CDH12: variants seen among roughly 807,000 people sequenced by gnomAD.
CDH12 encodes cadherin 12, also known as cadherin-12.
A neutral mutation model predicts 74.1 loss-of-function variants in CDH12; 41 were observed. That is an observed-to-expected ratio of 0.55 (90% CI 0.43 to 0.72). The LOEUF (loss-of-function observed/expected upper bound fraction) is 0.72, where lower values mean the gene tolerates loss of function less well. Ranked by LOEUF, CDH12 falls within the 30% of genes least tolerant of loss-of-function variation. The pLI is 0.00. For synonymous variants in CDH12, 399 were observed against 355.0 expected (o/e 1.12, Z -1.39); for missense variants, 945 against 977.2 (o/e 0.97, Z 0.44).
intron 1 of CDH12, among the ~76,000 whole-genome samples, chr5:22,639,876 G>GA (rs1253655392): frequency 6.6e-6 from 1 of 152,094 alleles, no homozygotes; most frequent in Non-Finnish European, 1.5e-5. Flanking sequence ...TCAGGCCCGA[G>GA]TGACTTACAG....
chr5:22,247,575 T>A (rs781216497), intron 3 of CDH12, among the ~76,000 whole-genome samples: 3 of 152,020 alleles, frequency 2.0e-5, no homozygotes, highest in Middle Eastern at 3.2e-3. Context: ...CAGGAGAGGC[T>A]GAGGCAGGAG....
intron 7 of CDH12, among the ~76,000 whole-genome samples, chr5:21,844,492 T>C (rs1750051422): frequency 6.6e-6 from 1 of 152,202 alleles, no homozygotes; most frequent in South Asian, 2.1e-4. Flanking sequence ...CTTTCCTCTG[T>C]CTAAGTTCTA....
At chr5:22,460,337 A>G (rs1036282688) in intron 2 of CDH12, among the ~76,000 whole-genome samples, 1 of 152,148 alleles carries the variant, frequency 6.6e-6, no homozygotes, top group African/African-American at 2.4e-5. Flanking sequence ...CAAACATCTC[A>G]TTTCCCACAT....
chr5:22,540,732 C>T (rs1462378300), intron 1 of CDH12, among the ~76,000 whole-genome samples: 4 of 152,038 alleles, frequency 2.6e-5, no homozygotes, highest in Non-Finnish European at 5.9e-5. Flanking sequence ...GTGTACAGCC[C>T]CTGCATCTGT....
At chr5:22,339,695 A>G (rs1739759945) in intron 3 of CDH12, among the ~76,000 whole-genome samples, 1 of 152,182 alleles carries the variant, frequency 6.6e-6, no homozygotes, top group Admixed American at 6.5e-5. Context: ...AGCTTTTTGA[A>G]GAGTCAAAAT....
rs1025206624 is a variant in CDH12 at position 22,399,027 on chromosome 5, T to C, written c.-333+6230A>G. ...AGTCAGTAAAAAGAGGTTTTTTGTT[T>C]TGTTTTGTTTGCTTTTGGTGTGTTC... On this transcript the variant is annotated intron_variant, in intron 3 of 14. Transcript: ENST00000382254. Among the ~76,000 whole-genome samples the C allele has an allele frequency of 5.9e-5, 9 of 152,216 alleles. No individual in the cohort carries two copies. The South Asian group carries it at 1.9e-3, about 32-fold the overall frequency.
At chr5:22,526,430 G>A (rs1193716028) in intron 1 of CDH12, among the ~76,000 whole-genome samples, 4 of 152,160 alleles carry the variant, frequency 2.6e-5, no homozygotes, top group Middle Eastern at 3.2e-3. Context: ...GACAATGAAG[G>A]TGTATTTCCA....
chr5:22,809,078 C>A, intron 1 of CDH12, among the ~76,000 whole-genome samples: 1 of 150,650 alleles, frequency 6.6e-6, no homozygotes, highest in Non-Finnish European at 1.5e-5. Context: ...ATTCAAAGTT[C>A]GTTGAAGGCA....
At chr5:21,809,578 A>G (rs1351578473) in intron 9 of CDH12, among the ~76,000 whole-genome samples, 1 of 152,140 alleles carries the variant, frequency 6.6e-6, no homozygotes, top group Non-Finnish European at 1.5e-5. Context: ...CAGCTTTCCT[A>G]TTTGTAGAAT....
intron 4 of CDH12, among the ~76,000 whole-genome samples, chr5:22,193,375 A>G (rs1172195606): frequency 6.6e-6 from 1 of 152,196 alleles, no homozygotes; most frequent in Non-Finnish European, 1.5e-5. Flanking sequence ...TGAAGCTATG[A>G]ATGTTAGATG....
intron 4 of CDH12, among the ~76,000 whole-genome samples, chr5:22,100,666 C>CAT: frequency 6.6e-6 from 1 of 151,436 alleles, no homozygotes; most frequent in East Asian, 1.9e-4. Flanking sequence ...CACACACACA[C>CAT]ACACACACAC....
chr5:21,840,492 T>C (rs532564829), intron 8 of CDH12, among the ~76,000 whole-genome samples: 2 of 151,980 alleles, frequency 1.3e-5, no homozygotes, highest in African/African-American at 2.4e-5. Flanking sequence ...CTTCACAGAA[T>C]TGGAAAAAAC....
intron 3 of CDH12, among the ~76,000 whole-genome samples, chr5:22,360,100 T>G (rs942097068): frequency 5.9e-5 from 9 of 151,816 alleles, no homozygotes; most frequent in Middle Eastern, 3.4e-3. Context: ...CTGAAGGAGA[T>G]AGAGACACAA....
At chr5:22,570,529 A>T (rs566465269) in intron 1 of CDH12, among the ~76,000 whole-genome samples, 1 of 152,296 alleles carries the variant, frequency 6.6e-6, no homozygotes, top group South Asian at 2.1e-4. Context: ...TGAAAAAAAA[A>T]ATAACATTTA....
chr5:22,773,930 A>G (rs1270638015), intron 1 of CDH12, among the ~76,000 whole-genome samples: 2 of 152,166 alleles, frequency 1.3e-5, no homozygotes, highest in Admixed American at 6.6e-5. Flanking sequence ...CAAAACTACA[A>G]TGAGATACCA....
chr5:22,537,229 A>G (rs1434615598), intron 1 of CDH12, among the ~76,000 whole-genome samples: 3 of 152,218 alleles, frequency 2.0e-5, no homozygotes, highest in Non-Finnish European at 2.9e-5. Flanking sequence ...CAACTGGGTA[A>G]GAATACTGCT....
chr5:22,712,250 T>C (rs1389137625), intron 1 of CDH12, among the ~76,000 whole-genome samples: 2 of 152,104 alleles, frequency 1.3e-5, no homozygotes, highest in Non-Finnish European at 2.9e-5. Flanking sequence ...ATACAATTAC[T>C]TTTTTAAATA....
intron 4 of CDH12, among the ~76,000 whole-genome samples, chr5:22,109,261 G>A (rs192971459): frequency 2.8e-4 from 43 of 152,278 alleles, no homozygotes; most frequent in African/African-American, 8.9e-4. Context: ...TCACTGGAGC[G>A]AAGGGTAGGT....
At chr5:22,455,704 C>G (rs1016702124) in intron 2 of CDH12, among the ~76,000 whole-genome samples, 1 of 152,146 alleles carries the variant, frequency 6.6e-6, no homozygotes, top group Non-Finnish European at 1.5e-5. Context: ...TGGTTGAAAT[C>G]ACATACACTA....
Sources: allele counts gnomAD v4.1 joint callset (sites outside exome capture counted in the v4.1 genomes callset), GRCh38; gene constraint gnomAD v4.1.1; transcripts MANE v1.5; gene names NCBI Gene and HGNC (gene_info 2026-07-23, HGNC 2026-07-21).